The following GRID1 variants were observed in gnomAD, a reference collection of about 807,000 sequenced individuals.
GRID1 encodes the protein glutamate ionotropic receptor delta type subunit 1, also known as glutamate receptor ionotropic, delta-1.
Under a neutral mutation model 98.0 loss-of-function variants are expected in GRID1, and 28 were observed. The ratio of observed to expected loss-of-function variants is 0.29; its 90% CI spans 0.21 to 0.39. GRID1 has a LOEUF of 0.39. Among genes scored for constraint, GRID1 ranks in the 10% least tolerant of loss-of-function variants. The pLI, the probability that GRID1 is intolerant of heterozygous loss-of-function variation, is 1.00. For synonymous variants in GRID1, 553 were observed against 538.5 expected, an observed-to-expected ratio of 1.03 and a Z score of -0.37; for missense variants, 1,111 against 1,340.5, an observed-to-expected ratio of 0.83 and a Z score of 2.67.
chr10:85,952,299 C>A (rs758952262), intron 4 of GRID1, among the ~76,000 whole-genome samples: 1 of 152,298 alleles, frequency 6.6e-6, no homozygotes. Flanking sequence ...CTAGAACAGG[C>A]TAAATCTTCA....
chr10:85,626,561 T>G (rs957027299), intron 13 of GRID1, among the ~76,000 whole-genome samples: 1 of 152,210 alleles, frequency 6.6e-6, no homozygotes, highest in African/African-American at 2.4e-5. Context: ...AGGGACTCTT[T>G]GGAAACCTGA....
intron 12 of GRID1, among the ~76,000 whole-genome samples, chr10:85,653,723 A>G (rs749133802): frequency 6.6e-6 from 1 of 152,148 alleles, no homozygotes; most frequent in East Asian, 1.9e-4. Flanking sequence ...ATCAGTCATC[A>G]TGGGAGGGGA....
At chr10:86,275,988 C>G (rs948772801) in intron 2 of GRID1, among the ~76,000 whole-genome samples, 9 of 152,246 alleles carry the variant, frequency 5.9e-5, no homozygotes, top group African/African-American at 2.2e-4. Context: ...AATCAAACTA[C>G]TGAAAGACAA....
chr10:86,323,633 G>A (rs1189943970), intron 2 of GRID1, among the ~76,000 whole-genome samples: 2 of 152,218 alleles, frequency 1.3e-5, no homozygotes, highest in Non-Finnish European at 1.5e-5. Context: ...GGCTGCCAGC[G>A]GCCGGGGGAG....
chr10:86,041,738 A>T (rs1409135761), intron 4 of GRID1, among the ~76,000 whole-genome samples: 1 of 152,230 alleles, frequency 6.6e-6, no homozygotes, highest in Admixed American at 6.5e-5. Flanking sequence ...GAACACTAAC[A>T]TCAAGTCTGT....
At chr10:85,833,405 T>C (rs1216874142) in intron 8 of GRID1, among the ~76,000 whole-genome samples, 1 of 151,542 alleles carries the variant, frequency 6.6e-6, no homozygotes, top group South Asian at 2.1e-4. Context: ...ATAAACTAAG[T>C]AGACCAAAAT....
chr10:86,319,159 C>G (rs1847936592), intron 2 of GRID1, among the ~76,000 whole-genome samples: 2 of 151,978 alleles, frequency 1.3e-5, no homozygotes. Context: ...AGGGGAGGCA[C>G]CCAGGGAGAA....
At chr10:86,158,673 T>C (rs982472057) in intron 3 of GRID1, among the ~76,000 whole-genome samples, 4 of 152,122 alleles carry the variant, frequency 2.6e-5, no homozygotes, top group Admixed American at 6.5e-5. Context: ...GAGAGGTTTG[T>C]GTGACCAATG....
chr10:86,071,401 C>T (rs1444789159), intron 4 of GRID1, among the ~76,000 whole-genome samples: 3 of 152,200 alleles, frequency 2.0e-5, no homozygotes, highest in South Asian at 4.1e-4. Flanking sequence ...TCGGCAAGTT[C>T]CTTAACCTCT....
At chr10:86,114,416 C>T (rs1008607880) in intron 4 of GRID1, among the ~76,000 whole-genome samples, 1 of 152,146 alleles carries the variant, frequency 6.6e-6, no homozygotes, top group African/African-American at 2.4e-5. Flanking sequence ...TGCCAGTGCT[C>T]CCACAGCCCT....
At chr10:85,771,215 C>T (rs1254224034) in intron 8 of GRID1, among the ~76,000 whole-genome samples, 1 of 152,116 alleles carries the variant, frequency 6.6e-6, no homozygotes, top group East Asian at 1.9e-4. Flanking sequence ...TCATATCCAG[C>T]CAAACTAAGA....
At chr10:86,286,415 A>G (rs1424279934) in intron 2 of GRID1, among the ~76,000 whole-genome samples, 1 of 152,146 alleles carries the variant, frequency 6.6e-6, no homozygotes, top group Non-Finnish European at 1.5e-5. Flanking sequence ...CGTCAGCAAA[A>G]GATTCCACAC....
intron 12 of GRID1, among the ~76,000 whole-genome samples, chr10:85,666,125 G>T (rs1841016847): frequency 1.3e-5 from 2 of 152,162 alleles, no homozygotes; most frequent in African/African-American, 2.4e-5. Flanking sequence ...GGTCTGGAGG[G>T]AGCTAATATG....
chr10:86,310,316 C>A (rs897861690), intron 2 of GRID1, among the ~76,000 whole-genome samples: 6 of 150,672 alleles, frequency 4.0e-5, no homozygotes, highest in African/African-American at 1.5e-4. Flanking sequence ...ATGGACTGTA[C>A]CTCAAGGGGC....
intron 2 of GRID1, among the ~76,000 whole-genome samples, chr10:86,308,586 T>C (rs1360384330): frequency 6.6e-6 from 1 of 152,162 alleles, no homozygotes; most frequent in Non-Finnish European, 1.5e-5. Context: ...TTAGGTCCAA[T>C]GGGAAGTATG....
In GRID1 at chr10:85,742,524, T is replaced by TA. The variant is rs1392553884; in HGVS notation, c.1234-12911dup. Among the ~76,000 whole-genome samples, 11 of 152,298 alleles carry TA rather than the reference T, an allele frequency of 7.2e-5. No individual in the cohort carries two copies. The South Asian group carries it at 1.5e-3, about 20-fold the overall frequency. ...TTCTTTCAAGGTTCAATTGTCACTT[T>TA]AAAAAAATTGTTTAATTGCCCTGTT... On this transcript the variant is annotated intron_variant, in intron 8 of 15. Coordinates refer to ENST00000327946, the MANE Select transcript of GRID1 (RefSeq NM_017551.3).
intron 2 of GRID1, among the ~76,000 whole-genome samples, chr10:86,363,146 G>A (rs1380298083): frequency 2.6e-5 from 4 of 152,272 alleles, no homozygotes; most frequent in Non-Finnish European, 5.9e-5. Flanking sequence ...CAGAGAGGAG[G>A]GAAAGCAGAG....
At chr10:85,971,183 G>A (rs1842402615) in intron 4 of GRID1, among the ~76,000 whole-genome samples, 3 of 152,008 alleles carry the variant, frequency 2.0e-5, no homozygotes, top group South Asian at 4.1e-4. Context: ...CTTTCCCCAG[G>A]AGTCATTCAG....
rs73338509 is a variant in GRID1, at chr10:85,853,366, T to C, written c.1233+1130A>G. On this transcript the variant is annotated intron_variant, in intron 8 of 15. Coordinates refer to ENST00000327946, the MANE Select transcript of GRID1 (RefSeq NM_017551.3). ...GCTTATCCAGCCCCTGCTGAGAGCT[T>C]ATTACTTGCGAGGACTGTCCTTCAT... is the stretch of plus-strand genomic sequence containing the variant. Among the ~76,000 whole-genome samples, 829 of 152,316 alleles carry C rather than the reference T, an allele frequency of 5.4e-3. 6 individuals are homozygous for C. The highest frequency in any genetic ancestry group is 0.019 in the African/African-American group (782 of 41,586).
Sources: allele counts gnomAD v4.1 joint callset (sites outside exome capture counted in the v4.1 genomes callset), GRCh38; gene constraint gnomAD v4.1.1; transcripts MANE v1.5; gene names NCBI Gene and HGNC (gene_info 2026-07-23, HGNC 2026-07-21).